Variants in PTPRJ observed in about 807,000 individuals in gnomAD.
PTPRJ encodes the protein receptor-type tyrosine-protein phosphatase eta.
A neutral mutation model predicts 141.3 loss-of-function variants in PTPRJ; 129 were observed. The ratio of observed to expected loss-of-function variants is 0.91; its 90% confidence interval spans 0.79 to 1.06. PTPRJ has a LOEUF of 1.06. Among genes scored for constraint, PTPRJ ranks in the 50% least tolerant of loss-of-function variants. The pLI, the probability that PTPRJ is intolerant of heterozygous loss-of-function variation, is 0.00. For missense variants in PTPRJ, 1,601 were observed against 1,679.7 expected (o/e 0.95, Z 0.82); for synonymous variants, 610 against 640.5 (o/e 0.95, Z 0.72).
chr11:48,140,857 G>A (rs1203070096), intron 11 of PTPRJ, among the ~76,000 whole-genome samples: 1 of 152,156 alleles, frequency 6.6e-6, no homozygotes, highest in East Asian at 1.9e-4. Flanking sequence ...GTCTTCTTTT[G>A]TACTAAGTCT....
intron 1 of PTPRJ, among the ~76,000 whole-genome samples, chr11:48,045,422 C>T (rs865786263): frequency 6.6e-6 from 1 of 152,178 alleles, no homozygotes; most frequent in Non-Finnish European, 1.5e-5. Flanking sequence ...AAGATTGAAG[C>T]TGCTTTGGTT....
Position 48,026,483 on chromosome 11 carries a change from C to CT in PTPRJ, c.96+45490dup, listed in dbSNP as rs35392576. ...CTGGGGCTTGACTTGAATGTTAGGA[C>CT]TTTTTTTTTTTTTTTGAGACGGAGT... On this transcript the variant is annotated intron_variant, in intron 1 of 24. Coordinates refer to ENST00000418331, the MANE Select transcript of PTPRJ (RefSeq NM_002843.4). Among the ~76,000 whole-genome samples the CT allele has an allele frequency of 1.0e-3, 149 of 142,636 alleles. 2 individuals are homozygous for CT. Among genetic ancestry groups the CT allele is most frequent in the Middle Eastern group, 3.6e-3 (1 of 276 alleles). The allele number at this position is 142,636 out of a possible 152,430, so 93.6% of individuals were successfully genotyped here. A position where few individuals can be genotyped will look rare whatever the true frequency, so the allele number is the denominator to read the frequency against.
chr11:48,146,681 G>A (rs1361127107), intron 14 of PTPRJ, among the ~76,000 whole-genome samples, 195 bp from the exon 15 acceptor site: 2 of 152,150 alleles, frequency 1.3e-5, no homozygotes, highest in East Asian at 3.8e-4. Context: ...GCTTCTGCAT[G>A]CATAGACTAG....
At chr11:48,163,806 C>T (rs1857844814) in intron 23 of PTPRJ, among the ~76,000 whole-genome samples, 188 bp downstream of exon 23, 1 of 152,136 alleles carries the variant, frequency 6.6e-6, no homozygotes, top group Admixed American at 6.5e-5. Flanking sequence ...AAACTGTAAC[C>T]CATGGATCAA....
At chr11:47,993,991 G>C (rs1287750001) in intron 1 of PTPRJ, among the ~76,000 whole-genome samples, 1 of 151,840 alleles carries the variant, frequency 6.6e-6, no homozygotes. Flanking sequence ...CTCCTGAGTA[G>C]CTGGGACTAT....
chr11:48,146,482 A>G (rs1182827089), intron 14 of PTPRJ, among the ~76,000 whole-genome samples: 1 of 152,164 alleles, frequency 6.6e-6, no homozygotes, highest in Non-Finnish European at 1.5e-5. Flanking sequence ...CTGTCACCTG[A>G]GCATGGATGC....
At chr11:47,992,188 T>G (rs1327480413) in intron 1 of PTPRJ, among the ~76,000 whole-genome samples, 1 of 152,168 alleles carries the variant, frequency 6.6e-6, no homozygotes, top group African/African-American at 2.4e-5. Flanking sequence ...TTTTTTTGTT[T>G]TTTAAGACAT....
chr11:48,131,615 G>C (rs1018346764), intron 8 of PTPRJ: 1 of 743,678 alleles, frequency 1.3e-6, no homozygotes, highest in African/African-American at 1.7e-5. Context: ...TGTAAATAAA[G>C]TTTTATTGGA....
At chr11:48,070,556 T>C (rs1855220006) in intron 1 of PTPRJ, among the ~76,000 whole-genome samples, 1 of 150,110 alleles carries the variant, frequency 6.7e-6, no homozygotes, top group Non-Finnish European at 1.5e-5. Context: ...AGTAGATCAG[T>C]AGATTTAGAT....
Position 48,039,464 on chromosome 11 carries a change from GGTGTGTGT to G in PTPRJ, c.96+58487_96+58494del, listed in dbSNP as rs67338648. ...ATAACTTTGCCAAATACAACACTAT[GGTGTGTGT>G]GTGTGTGTGTGTGTGTGTGTGTGTG... On this transcript the variant is annotated intron_variant, in intron 1 of 24. Transcript: ENST00000418331. Among the ~76,000 whole-genome samples the G allele has an allele frequency of 9.6e-3, 1,405 of 146,524 alleles. 16 individuals are homozygous for G. The highest frequency in any genetic ancestry group is 0.025 in the African/African-American group (992 of 40,160).
At chr11:48,063,200 C>T (rs778943530) in intron 1 of PTPRJ, among the ~76,000 whole-genome samples, 3 of 152,036 alleles carry the variant, frequency 2.0e-5, no homozygotes, top group Non-Finnish European at 2.9e-5. Context: ...TGGTGGCACA[C>T]GTCTGTAATC....
intron 8 of PTPRJ, among the ~76,000 whole-genome samples, chr11:48,134,476 T>C (rs1310115601): frequency 1.3e-5 from 2 of 152,196 alleles, no homozygotes; most frequent in African/African-American, 4.8e-5. Flanking sequence ...ATCAGGAATC[T>C]GCTGGTAGGA....
intron 1 of PTPRJ, among the ~76,000 whole-genome samples, chr11:48,103,542 A>G (rs1034583106): frequency 3.9e-5 from 6 of 152,232 alleles, no homozygotes; most frequent in African/African-American, 1.4e-4. Flanking sequence ...CAAATAGTGA[A>G]TCACATCAAA....
chr11:48,026,216 G>C (rs1326840696), intron 1 of PTPRJ, among the ~76,000 whole-genome samples: 1 of 152,212 alleles, frequency 6.6e-6, no homozygotes, highest in African/African-American at 2.4e-5. Context: ...CAGGGCAACA[G>C]TCAACAGAGG....
intron 24 of PTPRJ, among the ~76,000 whole-genome samples, chr11:48,165,257 C>G (rs1197477875): frequency 6.6e-6 from 1 of 152,218 alleles, no homozygotes; most frequent in East Asian, 1.9e-4. Context: ...CATAATGCTG[C>G]TTAAATGTTA....
intron 1 of PTPRJ, among the ~76,000 whole-genome samples, chr11:48,057,778 C>T (rs564249622): frequency 3.1e-4 from 47 of 152,254 alleles, no homozygotes; most frequent in Admixed American, 7.8e-4. Context: ...AGAAAGCTCC[C>T]CAACACCCCA....
At chr11:48,048,330 T>G (rs1854462802) in intron 1 of PTPRJ, among the ~76,000 whole-genome samples, 1 of 152,216 alleles carries the variant, frequency 6.6e-6, no homozygotes, top group Non-Finnish European at 1.5e-5. Flanking sequence ...GCCTCCTAAG[T>G]GGCAGTGCCC....
chr11:48,164,544 C>T (rs1857867226), intron 24 of PTPRJ, 29 bp downstream of exon 24: 4 of 1,526,518 alleles, frequency 2.6e-6, no homozygotes, highest in Non-Finnish European at 3.5e-6. Flanking sequence ...TTTGACATTC[C>T]ACCCTTCCCC....
rs1240747738 is a variant in PTPRJ at position 48,139,383 on chromosome 11, C to T, written c.2153-103C>T. The T allele has an allele frequency of 1.2e-5, 15 of 1,276,236 alleles. No homozygotes were observed. The Middle Eastern group carries it at 7.6e-4, about 65-fold the overall frequency. 79.1% of individuals were successfully genotyped at this position (1,276,236 alleles called of 1,614,324 possible). A position where few individuals can be genotyped will look rare whatever the true frequency, so the allele number is the denominator to read the frequency against. On this transcript the variant is annotated intron_variant, in intron 10 of 24. Transcript: ENST00000418331. ...TCAGCCCCTGCCTCTTCCACCACAT[C>T]ACCCACCCACCTTCTCATCCCCAGG...
Sources: gnomAD v4.1 joint callset for allele counts (sites outside exome capture counted in the v4.1 genomes callset) on GRCh38, gnomAD v4.1.1 for gene constraint, MANE v1.5 for transcripts, NCBI Gene and HGNC (gene_info 2026-07-23, HGNC 2026-07-21) for gene names.